The following THSD7A variants were observed in gnomAD, a reference collection of about 807,000 sequenced individuals.
THSD7A encodes thrombospondin type-1 domain-containing protein 7A.
In THSD7A, 96 loss-of-function variants were observed where a neutral mutation model predicts 231.3. The ratio of observed to expected loss-of-function variants is 0.41; its 90% CI spans 0.35 to 0.49. The LOEUF (loss-of-function observed/expected upper bound fraction) is 0.49, where lower values mean the gene tolerates loss of function less well. Among genes scored for constraint, THSD7A ranks in the 20% least tolerant of loss-of-function variants. The pLI, the probability that THSD7A is intolerant of heterozygous loss-of-function variation, is 0.05. For synonymous variants in THSD7A, 940 were observed against 743.3 expected (o/e 1.26, Z -4.30); for missense variants, 2,290 against 2,070.2 (o/e 1.11, Z -2.06).
chr7:11,462,623 C>T (rs1785548258), intron 9 of THSD7A, among the ~76,000 whole-genome samples: 1 of 152,098 alleles, frequency 6.6e-6, no homozygotes, highest in Admixed American at 6.5e-5. Context: ...ATTTGAAATG[C>T]ATAACTTGTA....
intron 6 of THSD7A, among the ~76,000 whole-genome samples, chr7:11,510,916 G>T (rs1787780417): frequency 6.6e-6 from 1 of 152,134 alleles, no homozygotes; most frequent in African/African-American, 2.4e-5. Context: ...TCAACACAGT[G>T]TTGGAAGTTC....
At position 11,783,210 on chromosome 7, in the gene THSD7A, C is replaced by A. The variant is rs186278852; in HGVS notation, c.190+48547G>T. ...TTACAAATATCACAAGTGGAAAATGCATTTAATACACCTGACCTGCCAAAA... is the reference window on the plus strand; with the variant it reads ...TTACAAATATCACAAGTGGAAAATGAATTTAATACACCTGACCTGCCAAAA... On this transcript the variant is annotated intron_variant, in intron 1 of 27. Coordinates refer to ENST00000423059, the MANE Select transcript of THSD7A (RefSeq NM_015204.3). 3.3e-5 allele frequency among the ~76,000 whole-genome samples: 5 copies of A among 152,258 alleles called. No individual in the cohort carries two copies. In the East Asian group the frequency reaches 7.7e-4, roughly 24 times the overall value.
chr7:11,435,886 G>A (rs1159313178), intron 13 of THSD7A, among the ~76,000 whole-genome samples: 4 of 151,990 alleles, frequency 2.6e-5, no homozygotes, highest in Admixed American at 1.3e-4. Flanking sequence ...AGTGAGAGGA[G>A]TCTTGTGGAG....
intron 8 of THSD7A, among the ~76,000 whole-genome samples, chr7:11,470,899 T>C (rs558766941): frequency 1.6e-3 from 243 of 152,004 alleles, no homozygotes; most frequent in African/African-American, 4.9e-3. Flanking sequence ...TTTCACTTCT[T>C]AAGAGATAAT....
At chr7:11,715,882 C>T (rs894434604) in intron 1 of THSD7A, among the ~76,000 whole-genome samples, 5 of 151,454 alleles carry the variant, frequency 3.3e-5, no homozygotes, top group African/African-American at 1.2e-4. Flanking sequence ...AAAGGCAAAT[C>T]AAATTTCTCT....
rs1342576570 is a variant in THSD7A at position 11,373,020 on chromosome 7, G to T, written c.*2774C>A. ...CTTCCAATATGTTCTCTAATATTAG[G>T]TCATGTTGAACCTAATTTCCTCTCT... On this transcript the variant is annotated 3_prime_UTR_variant, in exon 28 of 28. Transcript: ENST00000423059. 6.6e-6 allele frequency: 1 copy of T among 151,030 alleles called. No homozygotes were observed. Among genetic ancestry groups the T allele is most frequent in the African/African-American group, 2.4e-5 (1 of 41,030 alleles). The allele number at this position is 151,030 out of a possible 1,614,324, so 9.4% of individuals were successfully genotyped here.
intron 1 of THSD7A, among the ~76,000 whole-genome samples, chr7:11,684,900 A>G (rs560797534): frequency 6.6e-5 from 10 of 152,128 alleles, no homozygotes; most frequent in African/African-American, 2.4e-4. Context: ...ACCATAAAAA[A>G]GCCAAAACAA....
intron 2 of THSD7A, among the ~76,000 whole-genome samples, chr7:11,618,643 C>CA (rs1047716308): frequency 3.3e-5 from 5 of 151,846 alleles, no homozygotes; most frequent in African/African-American, 1.2e-4. Flanking sequence ...ACTAAAAATA[C>CA]AAAAAAATTA....
chr7:11,441,472 C>T (rs553465717), intron 13 of THSD7A, among the ~76,000 whole-genome samples: 1 of 151,988 alleles, frequency 6.6e-6, no homozygotes, highest in African/African-American at 2.4e-5. Context: ...AAAAAAGTTC[C>T]AGATATTCTG....
At chr7:11,439,280 C>A (rs1180898080) in intron 13 of THSD7A, among the ~76,000 whole-genome samples, 1 of 151,910 alleles carries the variant, frequency 6.6e-6, no homozygotes, top group African/African-American at 2.4e-5. Flanking sequence ...TTTTATTGGG[C>A]TTTGCTTTAT....
chr7:11,744,508 T>C (rs185642219), intron 1 of THSD7A, among the ~76,000 whole-genome samples: 5 of 151,978 alleles, frequency 3.3e-5, no homozygotes, highest in Admixed American at 1.3e-4. Context: ...TTGTTACATA[T>C]GTATACATGT....
intron 4 of THSD7A, 58 bp from the exon 5 acceptor site, chr7:11,543,175 CAAT>C: frequency 1.3e-6 from 2 of 1,487,580 alleles, no homozygotes; most frequent in South Asian, 2.5e-5. Flanking sequence ...ATATGGCCAA[CAAT>C]ATGATTTTTC....
At chr7:11,722,988 A>G (rs1047502833) in intron 1 of THSD7A, among the ~76,000 whole-genome samples, 10 of 151,986 alleles carry the variant, frequency 6.6e-5, no homozygotes, top group African/African-American at 2.4e-4. Flanking sequence ...TATATACCCA[A>G]AGGATTATAA....
In THSD7A at chr7:11,636,576, C is replaced by T. The variant is rs1352286490; in HGVS notation, c.576G>A (p.Gln192=). Residue 192 remains glutamine, a synonymous_variant, in exon 2 of 28, where the codon CAG becomes CAA. Transcript: ENST00000423059. The surrounding 1 kb of genome is among the most constrained non-coding windows in gnomAD (Gnocchi z 10.0). The stretch of plus-strand genomic sequence containing the variant: ...AAAATTCAGACACGATGCAATCTTG[C>T]TGGCAAGGAATGAGGCAAGCCTGCT... ...LLEQACLIPC[Q]QDCIVSEFSA... 6.2e-7 allele frequency: 1 copy of T among 1,613,986 alleles called. No homozygotes were observed. Among genetic ancestry groups the T allele is most frequent in the Admixed American group, 1.7e-5 (1 of 60,028 alleles).
intron 4 of THSD7A, among the ~76,000 whole-genome samples, chr7:11,555,274 A>T (rs1194647465): frequency 1.3e-5 from 2 of 151,932 alleles, no homozygotes; most frequent in African/African-American, 4.8e-5. Context: ...TATGCCTCAC[A>T]GATTTTGATA....
intron 4 of THSD7A, among the ~76,000 whole-genome samples, chr7:11,570,768 GGA>G (rs1453000420): frequency 6.6e-6 from 1 of 152,200 alleles, no homozygotes; most frequent in Non-Finnish European, 1.5e-5. Flanking sequence ...TACCCAGCCA[GGA>G]GAGACTGTAG....
chr7:11,388,088 C>G (rs1008142083), intron 23 of THSD7A, among the ~76,000 whole-genome samples: 1 of 152,024 alleles, frequency 6.6e-6, no homozygotes, highest in Admixed American at 6.6e-5. Context: ...TGATGTGCTA[C>G]TGGATTCAGT....
At chr7:11,604,733 G>A (rs927776485) in intron 2 of THSD7A, among the ~76,000 whole-genome samples, 3 of 152,096 alleles carry the variant, frequency 2.0e-5, no homozygotes, top group Non-Finnish European at 4.4e-5. Flanking sequence ...AGAATGAGAA[G>A]CAAATTTCTG....
At chr7:11,629,231 G>C (rs1488237393) in intron 2 of THSD7A, among the ~76,000 whole-genome samples, 1 of 152,180 alleles carries the variant, frequency 6.6e-6, no homozygotes, top group African/African-American at 2.4e-5. Flanking sequence ...ACACGAGCAG[G>C]ATGGGGAAGA....
Sources: allele counts gnomAD v4.1 joint callset (sites outside exome capture counted in the v4.1 genomes callset), GRCh38; gene constraint gnomAD v4.1.1; non-coding constraint Gnocchi (gnomAD v3.1); transcripts MANE v1.5; gene names NCBI Gene and HGNC (gene_info 2026-07-23, HGNC 2026-07-21).